Variants in TMX2 observed in about 807,000 individuals in gnomAD.
TMX2 encodes the protein thioredoxin-related transmembrane protein 2.
TMX2 carries 20 observed loss-of-function variants against 33.4 expected under a neutral mutation model. That is an observed-to-expected ratio of 0.60 (90% CI 0.42 to 0.87). The LOEUF is 0.87. Ranked by LOEUF, TMX2 falls within the 40% of genes least tolerant of loss-of-function variation. TMX2 has a pLI of 0.00. For missense variants in TMX2, 340 were observed against 370.7 expected (o/e 0.92, Z 0.68); for synonymous variants, 166 against 140.7 (o/e 1.18, Z -1.27).
intron 1 of TMX2, among the ~76,000 whole-genome samples, chr11:57,716,653 C>T (rs1208213400): frequency 9.9e-5 from 13 of 131,334 alleles, no homozygotes; most frequent in South Asian, 7.4e-4. Flanking sequence ...GGCGGCTGGC[C>T]GAGCGGGGGG....
At chr11:57,736,125 C>T (rs538446285) in intron 1 of TMX2, among the ~76,000 whole-genome samples, 1 of 152,162 alleles carries the variant, frequency 6.6e-6, no homozygotes, top group East Asian at 1.9e-4. Context: ...TCTGGGGTCC[C>T]CTTAGTCAAG....
chr11:57,715,591 T>TTTTTTTTTTC (rs1479799001), intron 1 of TMX2, among the ~76,000 whole-genome samples: 2 of 146,576 alleles, frequency 1.4e-5, no homozygotes, highest in East Asian at 4.1e-4. Context: ...GTTTTCTTTT[T>TTTTTTTTTTC]TTTTTCTTTT....
At chr11:57,714,379 G>A (rs1470801773) in intron 1 of TMX2, among the ~76,000 whole-genome samples, 1 of 152,170 alleles carries the variant, frequency 6.6e-6, no homozygotes, top group Admixed American at 6.5e-5. Flanking sequence ...TATGGAACAA[G>A]ACAAACAAAG....
chr11:57,731,293 C>T (rs1453866555), intron 1 of TMX2, among the ~76,000 whole-genome samples: 1 of 151,438 alleles, frequency 6.6e-6, no homozygotes, highest in Admixed American at 6.6e-5. Flanking sequence ...GCCACTGCAC[C>T]CAGCTAATTT....
chr11:57,724,587 G>A (rs1297634901), intron 1 of TMX2, among the ~76,000 whole-genome samples: 1 of 145,508 alleles, frequency 6.9e-6, no homozygotes, highest in Non-Finnish European at 1.5e-5. Flanking sequence ...CTTTGTACCA[G>A]AAAAGGTAAA....
At chr11:57,718,219 T>C in intron 1 of TMX2, 1 of 1,427,474 alleles carries the variant, frequency 7.0e-7, no homozygotes, top group South Asian at 1.2e-5. Context: ...CCTTTTGTGT[T>C]GGGTCCAGCA....
intron 1 of TMX2, among the ~76,000 whole-genome samples, chr11:57,719,645 T>A (rs1409774924): frequency 1.3e-5 from 2 of 149,556 alleles, no homozygotes; most frequent in African/African-American, 2.5e-5. Flanking sequence ...GCCTTCTGAG[T>A]AGCTGGGATT....
intron 1 of TMX2, chr11:57,718,323 T>C: frequency 6.4e-7 from 1 of 1,557,302 alleles, no homozygotes; most frequent in East Asian, 2.3e-5. Flanking sequence ...ACCAGTGCCA[T>C]TATGGCGTGT....
chr11:57,726,507 A>G (rs1425740698), intron 1 of TMX2, among the ~76,000 whole-genome samples: 7 of 151,922 alleles, frequency 4.6e-5, no homozygotes, highest in African/African-American at 1.2e-4. Context: ...TAATTTTAAG[A>G]AGTAATGAAT....
intron 1 of TMX2, among the ~76,000 whole-genome samples, chr11:57,724,362 T>G (rs1425844838): frequency 6.6e-6 from 1 of 152,164 alleles, no homozygotes; most frequent in East Asian, 1.9e-4. Flanking sequence ...TTAGTATGTT[T>G]CATATACAAG....
At position 57,739,979 on chromosome 11, in the gene TMX2, G is replaced by A. The variant is rs181432835; in HGVS notation, c.745-120G>A. 4.5e-3 allele frequency: 6,315 copies of A among 1,416,244 alleles called. 335 individuals carry two copies. In the Admixed American group the frequency reaches 0.11, roughly 24 times the overall value. 87.7% of individuals were successfully genotyped at this position (1,416,244 alleles called of 1,614,324 possible). ...CCTAAAAAAGAGGAAGGTTAGGGAA[G>A]ATTTTTGTCCTTTGCTTACTCCTTC... On this transcript the variant is annotated intron_variant, in intron 7 of 7. Coordinates refer to ENST00000278422, the MANE Select transcript of TMX2 (RefSeq NM_015959.4).
intron 1 of TMX2, chr11:57,718,549 C>T (rs1947331963): frequency 1.5e-6 from 1 of 656,932 alleles, no homozygotes; most frequent in Non-Finnish European, 2.8e-6. Context: ...GTACAGGGCT[C>T]CTGGTGGTGG....
At position 57,719,039 on chromosome 11, in the gene TMX2, T is replaced by A. The variant is rs1202533918; in HGVS notation, c.189+6232T>A. 3.9e-3 allele frequency among the ~76,000 whole-genome samples: 551 copies of A among 139,886 alleles called. 1 individual carries two copies. The highest frequency in any genetic ancestry group is 0.015 in the Admixed American group (211 of 13,914). 91.8% of individuals were successfully genotyped at this position (139,886 alleles called of 152,430 possible). On this transcript the variant is annotated intron_variant, in intron 1 of 7. Coordinates refer to ENST00000278422, the MANE Select transcript of TMX2 (RefSeq NM_015959.4). ...TCAGGCCATATATATATATATTTTT[T>A]TTTTTTTTTTTTTTTTGAGACAGAG...
chr11:57,720,785 A>C (rs1359050590), intron 1 of TMX2, among the ~76,000 whole-genome samples: 1 of 152,230 alleles, frequency 6.6e-6, no homozygotes, highest in Admixed American at 6.5e-5. Context: ...CAAGGAATCG[A>C]ACCCACGCTG....
chr11:57,721,855 G>A (rs1947654586), intron 1 of TMX2, among the ~76,000 whole-genome samples: 1 of 152,140 alleles, frequency 6.6e-6, no homozygotes, highest in Admixed American at 6.5e-5. Context: ...TACGTGGGGG[G>A]CTGCTAATCA....
intron 1 of TMX2, among the ~76,000 whole-genome samples, chr11:57,736,787 T>C (rs1948778478): frequency 6.7e-6 from 1 of 149,846 alleles, no homozygotes; most frequent in South Asian, 2.1e-4. Context: ...ACTTGGGAGG[T>C]TGAGTCAGGA....
intron 1 of TMX2, among the ~76,000 whole-genome samples, chr11:57,735,457 C>G (rs1472068406): frequency 1.3e-5 from 2 of 152,094 alleles, no homozygotes; most frequent in Non-Finnish European, 2.9e-5. Context: ...GTGATCCACC[C>G]ACTTTAGCCT....
chr11:57,719,252 G>T (rs974348940), intron 1 of TMX2, among the ~76,000 whole-genome samples: 1 of 149,014 alleles, frequency 6.7e-6, no homozygotes, highest in Non-Finnish European at 1.5e-5. Flanking sequence ...GGCCAGGATG[G>T]TCTCGATCTC....
intron 1 of TMX2, among the ~76,000 whole-genome samples, chr11:57,730,988 C>CTTAAA (rs71061535): frequency 0.69 from 104,278 of 151,174 alleles, 36,195 homozygotes; most frequent in East Asian, 0.89. Flanking sequence ...TAACACAAAA[C>CTTAAA]TTAGTTAAAA....
Sources: gnomAD v4.1 joint callset for allele counts (sites outside exome capture counted in the v4.1 genomes callset) on GRCh38, gnomAD v4.1.1 for gene constraint, MANE v1.5 for transcripts, NCBI Gene and HGNC (gene_info 2026-07-23, HGNC 2026-07-21) for gene names.